Variants in ANTXR1 observed in about 807,000 individuals in gnomAD.
The protein encoded by ANTXR1 is anthrax toxin receptor 1.
A neutral mutation model predicts 78.1 loss-of-function variants in ANTXR1; 19 were observed. The observed-to-expected ratio is 0.24, with a 90% CI of 0.17 to 0.36. ANTXR1 has a LOEUF of 0.36. ANTXR1 is among the 10% of genes least tolerant of loss of function. The pLI, the probability that ANTXR1 is intolerant of heterozygous loss-of-function variation, is 1.00. For missense variants in ANTXR1, 518 were observed against 718.6 expected (o/e 0.72, Z 3.19); for synonymous variants, 273 against 260.5 (o/e 1.05, Z -0.46).
chr2:69,105,324 C>G (rs1671773406), intron 10 of ANTXR1, among the ~76,000 whole-genome samples: 1 of 152,202 alleles, frequency 6.6e-6, no homozygotes, highest in African/African-American at 2.4e-5. Context: ...GCTTAAATCA[C>G]AAACCCGTGC....
At chr2:69,227,049 A>C (rs1675474298) in intron 17 of ANTXR1, among the ~76,000 whole-genome samples, 1 of 152,218 alleles carries the variant, frequency 6.6e-6, no homozygotes, top group Non-Finnish European at 1.5e-5. Flanking sequence ...TTCAGATCCA[A>C]CTTCTACATG....
intron 8 of ANTXR1, among the ~76,000 whole-genome samples, chr2:69,077,780 G>C (rs1252897341): frequency 6.6e-6 from 1 of 152,190 alleles, no homozygotes. Context: ...GACTGTGGCT[G>C]GTGGTTTACG....
chr2:69,052,417 T>A (rs371456745), intron 3 of ANTXR1, among the ~76,000 whole-genome samples: 13 of 152,244 alleles, frequency 8.5e-5, no homozygotes, highest in Middle Eastern at 3.4e-3. Context: ...CCATCTTAAC[T>A]ATCTTTCCCC....
At chr2:69,181,693 C>CT (rs1377207696) in intron 14 of ANTXR1, 93 bp from the exon 15 acceptor site, 2 of 1,234,220 alleles carry the variant, frequency 1.6e-6, no homozygotes, top group Non-Finnish European at 2.4e-6. Flanking sequence ...CAGTCTGACT[C>CT]TATAAGCTCT....
intron 17 of ANTXR1, among the ~76,000 whole-genome samples, chr2:69,204,904 T>C (rs767026149): frequency 2.6e-5 from 4 of 152,180 alleles, no homozygotes. Context: ...CTCTCCCTGA[T>C]TCCACCTCTC....
At chr2:69,159,973 G>A (rs1673634948) in intron 13 of ANTXR1, among the ~76,000 whole-genome samples, 1 of 152,138 alleles carries the variant, frequency 6.6e-6, no homozygotes, top group Non-Finnish European at 1.5e-5. Context: ...TTAATTTGTA[G>A]GGCCAGACAA....
chr2:69,015,779 G>A (rs1242181670), intron 1 of ANTXR1, among the ~76,000 whole-genome samples: 1 of 151,928 alleles, frequency 6.6e-6, no homozygotes, highest in South Asian at 2.1e-4. Flanking sequence ...TGAAAAATAA[G>A]CCATGAAAAA....
intron 8 of ANTXR1, among the ~76,000 whole-genome samples, chr2:69,080,001 C>G (rs1270371957): frequency 1.3e-5 from 2 of 152,192 alleles, no homozygotes; most frequent in African/African-American, 4.8e-5. Context: ...CTGCAAAGAT[C>G]TTTAAGAAAT....
intron 17 of ANTXR1, among the ~76,000 whole-genome samples, chr2:69,241,750 C>T (rs564440557): frequency 6.6e-6 from 1 of 152,238 alleles, no homozygotes; most frequent in South Asian, 2.1e-4. Context: ...CACCTGATAC[C>T]ACCTCCAACT....
At chr2:69,240,252 C>T (rs1675862269) in intron 17 of ANTXR1, among the ~76,000 whole-genome samples, 1 of 152,258 alleles carries the variant, frequency 6.6e-6, no homozygotes, top group South Asian at 2.1e-4. Context: ...TTTAGAGCAA[C>T]ACTAGGCTCC....
At chr2:69,104,785 T>A (rs2104326290) in intron 10 of ANTXR1, among the ~76,000 whole-genome samples, 1 of 152,296 alleles carries the variant, frequency 6.6e-6, no homozygotes, top group African/African-American at 2.4e-5. Context: ...CACAAGATGC[T>A]GTATTAAATA....
chr2:69,137,243 C>T (rs549770623), intron 12 of ANTXR1, among the ~76,000 whole-genome samples: 12 of 152,042 alleles, frequency 7.9e-5, no homozygotes, highest in Non-Finnish European at 1.5e-4. Context: ...TGATATCATA[C>T]CTGTGTTTTC....
chr2:69,189,538 G>A (rs1014791884), intron 16 of ANTXR1, among the ~76,000 whole-genome samples: 4 of 152,200 alleles, frequency 2.6e-5, no homozygotes, highest in Non-Finnish European at 4.4e-5. Flanking sequence ...CAATAGGAGA[G>A]AGGACAGGAA....
At chr2:69,060,603 ATCTAC>A (rs1670205166) in intron 3 of ANTXR1, among the ~76,000 whole-genome samples, 2 of 152,234 alleles carry the variant, frequency 1.3e-5, no homozygotes, top group African/African-American at 4.8e-5. Flanking sequence ...TAAAACACAA[ATCTAC>A]TCTCAAATCT....
At chr2:69,191,444 C>T (rs997857053) in intron 16 of ANTXR1, among the ~76,000 whole-genome samples, 1 of 152,180 alleles carries the variant, frequency 6.6e-6, no homozygotes, top group Non-Finnish European at 1.5e-5. Flanking sequence ...ACTCCTCCAG[C>T]CTTCCCAGCA....
chr2:69,101,939 T>G (rs1391679028), intron 9 of ANTXR1, among the ~76,000 whole-genome samples: 1 of 152,230 alleles, frequency 6.6e-6, no homozygotes, highest in African/African-American at 2.4e-5. Context: ...TTTTCCATGG[T>G]AGGAGTATGG....
rs924318653 is a variant in ANTXR1, at chr2:69,242,686, G to C, written c.1435-2539G>C. Among the ~76,000 whole-genome samples, 5 of 152,272 alleles carry C rather than the reference G, an allele frequency of 3.3e-5. No individual in the cohort carries two copies. In the East Asian group the frequency reaches 9.6e-4, roughly 29 times the overall value. On this transcript the variant is annotated intron_variant, in intron 17 of 17. Coordinates refer to ENST00000303714, the MANE Select transcript of ANTXR1 (RefSeq NM_032208.3). Reference sequence around the variant, plus strand: ...ATGAATCTCTTGAGCCTCTCTGTCTGACTTTGCATGTCTAGGAACGAAGGG... The same window carrying C: ...ATGAATCTCTTGAGCCTCTCTGTCTCACTTTGCATGTCTAGGAACGAAGGG...
At chr2:69,110,420 G>A (rs1439255384) in intron 10 of ANTXR1, among the ~76,000 whole-genome samples, 1 of 152,086 alleles carries the variant, frequency 6.6e-6, no homozygotes, top group Non-Finnish European at 1.5e-5. Flanking sequence ...CATCTAAATG[G>A]TAACAACCTA....
At chr2:69,073,652 A>T (rs1436557601) in intron 6 of ANTXR1, among the ~76,000 whole-genome samples, 1 of 152,186 alleles carries the variant, frequency 6.6e-6, no homozygotes, top group East Asian at 1.9e-4. Flanking sequence ...CCTCAAGGCA[A>T]GTGGAAAAAT....
Sources: gnomAD v4.1 joint callset for allele counts (sites outside exome capture counted in the v4.1 genomes callset) on GRCh38, gnomAD v4.1.1 for gene constraint, MANE v1.5 for transcripts, NCBI Gene and HGNC (gene_info 2026-07-23, HGNC 2026-07-21) for gene names.